Variants in GRIA1 observed in about 807,000 individuals in gnomAD.
GRIA1 encodes glutamate receptor 1.
GRIA1 carries 31 observed loss-of-function variants against 99.2 expected under a neutral mutation model. The observed-to-expected ratio is 0.31, with a 90% CI of 0.23 to 0.42. The LOEUF is 0.42. Among genes scored for constraint, GRIA1 ranks in the 10% least tolerant of loss-of-function variants. The pLI is 1.00. For synonymous variants in GRIA1, 438 were observed against 432.4 expected (o/e 1.01, Z -0.16); for missense variants, 782 against 1,157.5 (o/e 0.68, Z 4.71).
At chr5:153,715,999 T>C (rs1205242096) in intron 11 of GRIA1, among the ~76,000 whole-genome samples, 4 of 152,160 alleles carry the variant, frequency 2.6e-5, no homozygotes, top group Non-Finnish European at 4.4e-5. Flanking sequence ...GAATTGGAGA[T>C]AAAGAAATAA....
At chr5:153,795,527 C>A in intron 14 of GRIA1, 1 of 1,613,432 alleles carries the variant, frequency 6.2e-7, no homozygotes, top group Non-Finnish European at 8.5e-7. Context: ...GCGTCTTAGA[C>A]AAGCTGAAAA....
chr5:153,578,636 C>T (rs181724441), intron 2 of GRIA1, among the ~76,000 whole-genome samples: 4 of 152,286 alleles, frequency 2.6e-5, no homozygotes, highest in Admixed American at 6.5e-5. Flanking sequence ...CGGCTGGCCG[C>T]GGTGGCTCAT....
intron 2 of GRIA1, among the ~76,000 whole-genome samples, chr5:153,645,940 T>C (rs1409393094): frequency 6.6e-6 from 1 of 152,224 alleles, no homozygotes; most frequent in African/African-American, 2.4e-5. Context: ...ACCATCCACC[T>C]TGGAAGGGCA....
intron 2 of GRIA1, among the ~76,000 whole-genome samples, chr5:153,608,546 T>C (rs748107314): frequency 6.0e-4 from 91 of 152,362 alleles, no homozygotes; most frequent in Admixed American, 1.6e-3. Context: ...CTATTGAATT[T>C]TAGATGCCAG....
chr5:153,601,557 G>A (rs1305844017), intron 2 of GRIA1, among the ~76,000 whole-genome samples: 2 of 152,228 alleles, frequency 1.3e-5, no homozygotes, highest in Admixed American at 6.5e-5. Context: ...AAGCAAAAGT[G>A]AAAATTAAAT....
intron 2 of GRIA1, among the ~76,000 whole-genome samples, chr5:153,576,589 T>C (rs1397334742): frequency 6.6e-6 from 1 of 152,234 alleles, no homozygotes; most frequent in Non-Finnish European, 1.5e-5. Context: ...ACATCACAGA[T>C]ACCTCTTTTC....
chr5:153,771,224 T>C (rs1230195220), intron 13 of GRIA1, among the ~76,000 whole-genome samples: 1 of 152,202 alleles, frequency 6.6e-6, no homozygotes, highest in Non-Finnish European at 1.5e-5. Flanking sequence ...ATAATTTATG[T>C]TGAAGGTCAC....
chr5:153,489,951 G>C (rs558413456), upstream of GRIA1: 1 of 417,646 alleles, frequency 2.4e-6, no homozygotes, highest in Non-Finnish European at 4.8e-6. Flanking sequence ...ATTGAAAAGA[G>C]ACCACCGTTT....
rs116133483 is a variant in GRIA1 at position 153,747,735 on chromosome 5, C to T, written c.1824-16699C>T. On this transcript the variant is annotated intron_variant, in intron 11 of 15. Transcript: ENST00000285900. ...CAGCCTGCCCTGCAGAGCCCAGTTA[C>T]GTGACATCTCTTTCCATGAAACCTT... is the stretch of plus-strand genomic sequence containing the variant. Among the ~76,000 whole-genome samples, 1,036 of 152,306 alleles carry T rather than the reference C, an allele frequency of 6.8e-3. 16 individuals are homozygous for T. Among genetic ancestry groups the T allele is most frequent in the African/African-American group, 0.023 (967 of 41,558 alleles).
chr5:153,670,646 T>C (rs1561749817), intron 5 of GRIA1, among the ~76,000 whole-genome samples: 1 of 152,082 alleles, frequency 6.6e-6, no homozygotes, highest in Admixed American at 6.6e-5. Flanking sequence ...AGAAAAATGT[T>C]CTAATTACCA....
intron 13 of GRIA1, among the ~76,000 whole-genome samples, chr5:153,786,774 G>C (rs1312086923): frequency 6.6e-6 from 1 of 152,188 alleles, no homozygotes; most frequent in South Asian, 2.1e-4. Context: ...AACATGGGGA[G>C]CATTGCAGAG....
At chr5:153,745,725 T>A (rs1159157820) in intron 11 of GRIA1, among the ~76,000 whole-genome samples, 1 of 150,838 alleles carries the variant, frequency 6.6e-6, no homozygotes, top group Non-Finnish European at 1.5e-5. Context: ...CATTTATAGA[T>A]GTTATAGATG....
At chr5:153,576,379 GAGA>G (rs1762531432) in intron 2 of GRIA1, among the ~76,000 whole-genome samples, 1 of 152,226 alleles carries the variant, frequency 6.6e-6, no homozygotes, top group South Asian at 2.1e-4. Flanking sequence ...GAGAAGAGAT[GAGA>G]AGGTAGTGAA....
chr5:153,619,184 T>C (rs944367827), intron 2 of GRIA1, among the ~76,000 whole-genome samples: 3 of 152,178 alleles, frequency 2.0e-5, no homozygotes, highest in Non-Finnish European at 4.4e-5. Context: ...AAAGAAAGTG[T>C]CTCATTCAAC....
chr5:153,705,470 A>C (rs544259173), intron 10 of GRIA1, among the ~76,000 whole-genome samples: 1 of 152,270 alleles, frequency 6.6e-6, no homozygotes, highest in Admixed American at 6.5e-5. Context: ...TCTAACATTT[A>C]GAACAGTCAA....
intron 13 of GRIA1, among the ~76,000 whole-genome samples, chr5:153,793,692 G>A (rs1765458868): frequency 6.6e-6 from 1 of 152,162 alleles, no homozygotes; most frequent in South Asian, 2.1e-4. Context: ...AAATTTAGAT[G>A]GACTCCCTTG....
At chr5:153,515,850 G>A (rs750570823) in intron 2 of GRIA1, among the ~76,000 whole-genome samples, 1 of 152,160 alleles carries the variant, frequency 6.6e-6, no homozygotes, top group Non-Finnish European at 1.5e-5. Flanking sequence ...AGCTTAGTCC[G>A]GTGTTCAATA....
chr5:153,706,926 C>G (rs1191860173), intron 11 of GRIA1, among the ~76,000 whole-genome samples: 1 of 152,002 alleles, frequency 6.6e-6, no homozygotes, highest in Non-Finnish European at 1.5e-5. Context: ...GAAACCCTGT[C>G]TCTACTAAAA....
At chr5:153,804,897 G>A (rs539031710) in intron 15 of GRIA1, among the ~76,000 whole-genome samples, 9 of 151,996 alleles carry the variant, frequency 5.9e-5, no homozygotes, top group Non-Finnish European at 1.0e-4. Flanking sequence ...GATTAGAGGC[G>A]TGTGCCACCA....
Sources: gnomAD v4.1 joint callset for allele counts (sites outside exome capture counted in the v4.1 genomes callset) on GRCh38, gnomAD v4.1.1 for gene constraint, MANE v1.5 for transcripts, NCBI Gene and HGNC (gene_info 2026-07-23, HGNC 2026-07-21) for gene names.